The following LRP1B variants were observed in gnomAD, a reference collection of about 807,000 sequenced individuals.
LRP1B encodes the protein low-density lipoprotein receptor-related protein 1B.
Under a neutral mutation model 556.6 loss-of-function variants are expected in LRP1B, and 217 were observed. The observed-to-expected ratio is 0.39, with a 90% CI of 0.35 to 0.44. The LOEUF (loss-of-function observed/expected upper bound fraction) is 0.44, where lower values mean the gene tolerates loss of function less well. Ranked by LOEUF, LRP1B falls within the 20% of genes least tolerant of loss-of-function variation. The pLI, the probability that LRP1B is intolerant of heterozygous loss-of-function variation, is 1.00. For missense variants in LRP1B, 5,053 were observed against 5,620.8 expected (o/e 0.90, Z 3.23); for synonymous variants, 2,047 against 1,865.8 (o/e 1.10, Z -2.50).
intron 2 of LRP1B, among the ~76,000 whole-genome samples, chr2:141,792,406 A>G (rs1329553652): frequency 6.6e-6 from 1 of 152,004 alleles, no homozygotes; most frequent in African/African-American, 2.4e-5. Flanking sequence ...GACAGAAAGG[A>G]ACCTCTTGTG....
At chr2:140,430,427 C>G (rs572367116) in intron 66 of LRP1B, among the ~76,000 whole-genome samples, 1 of 152,306 alleles carries the variant, frequency 6.6e-6, no homozygotes, top group Admixed American at 6.5e-5. Context: ...TGCTCAAGGC[C>G]GCTTCACTTC....
At position 140,702,438 on chromosome 2, in the gene LRP1B, T is replaced by C; in HGVS notation, c.6139A>G (p.Ile2047Val). 3.7e-6 allele frequency: 6 copies of C among 1,613,560 alleles called. No homozygotes were observed. Among genetic ancestry groups the C allele is most frequent in the Non-Finnish European group, 5.1e-6 (6 of 1,179,684 alleles). ...GAAATCCAACAGACCTCATAGTCGATGGAGATGCCATTCGGCCATGCTATT... is the reference window on the plus strand; with the variant it reads ...GAAATCCAACAGACCTCATAGTCGACGGAGATGCCATTCGGCCATGCTATT... Reference protein sequence around the residue: ...MGIAWPNGISIDYEENKLYWC... With the variant: ...MGIAWPNGISVDYEENKLYWC... The change falls in exon 38 of 91, where the codon ATC (isoleucine) becomes GTC (valine). Residue 2047 changes from isoleucine to valine, a missense_variant. By Grantham distance (29) the Ile-to-Val change is conservative (BLOSUM62 3). Coordinates refer to ENST00000389484, the MANE Select transcript of LRP1B (RefSeq NM_018557.3).
chr2:140,277,167 C>T (rs1343779673), intron 84 of LRP1B, among the ~76,000 whole-genome samples: 1 of 151,638 alleles, frequency 6.6e-6, no homozygotes, highest in African/African-American at 2.4e-5. Context: ...GATGAATGTC[C>T]AGGACCACAC....
At chr2:140,989,330 G>A (rs1373201685) in intron 17 of LRP1B, among the ~76,000 whole-genome samples, 1 of 152,106 alleles carries the variant, frequency 6.6e-6, no homozygotes, top group Non-Finnish European at 1.5e-5. Flanking sequence ...AATTAGTCTG[G>A]AAAGCAGAGT....
At chr2:141,813,307 C>T (rs1696419209) in intron 1 of LRP1B, among the ~76,000 whole-genome samples, 1 of 152,048 alleles carries the variant, frequency 6.6e-6, no homozygotes, top group Non-Finnish European at 1.5e-5. Flanking sequence ...GAGATGGGGA[C>T]TGACGGTTAG....
intron 3 of LRP1B, among the ~76,000 whole-genome samples, chr2:141,340,184 A>C (rs1359779960): frequency 6.6e-6 from 1 of 152,348 alleles, no homozygotes; most frequent in Non-Finnish European, 1.5e-5. Flanking sequence ...CAACTTTTGA[A>C]TAGTTTGGAA....
At chr2:141,510,234 A>ACACC (rs767916859) in intron 2 of LRP1B, among the ~76,000 whole-genome samples, 123 of 145,374 alleles carry the variant, frequency 8.5e-4, no homozygotes, top group South Asian at 2.2e-3. Flanking sequence ...ACACACACAC[A>ACACC]CCCCCCACAG....
chr2:141,917,947 A>G (rs1390771497), intron 1 of LRP1B, among the ~76,000 whole-genome samples: 1 of 152,124 alleles, frequency 6.6e-6, no homozygotes, highest in Non-Finnish European at 1.5e-5. Context: ...CAATGGGAGA[A>G]TTGTTGAGTA....
chr2:140,563,019 T>C (rs780199203), intron 43 of LRP1B, among the ~76,000 whole-genome samples: 3 of 152,086 alleles, frequency 2.0e-5, no homozygotes, highest in Non-Finnish European at 4.4e-5. Flanking sequence ...AATTCTAGGG[T>C]ATAAGATGGT....
chr2:141,826,191 A>G (rs529371305), intron 1 of LRP1B, among the ~76,000 whole-genome samples: 1 of 151,942 alleles, frequency 6.6e-6, no homozygotes, highest in East Asian at 1.9e-4. Context: ...GAAAAAATAT[A>G]TATAAATTAT....
chr2:140,361,615 G>T (rs1322140339), intron 72 of LRP1B, among the ~76,000 whole-genome samples: 1 of 150,658 alleles, frequency 6.6e-6, no homozygotes, highest in East Asian at 2.0e-4. Flanking sequence ...GGTGTCTCTG[G>T]TGCCTCACTC....
chr2:140,320,762 A>C (rs1680069861), intron 82 of LRP1B, among the ~76,000 whole-genome samples: 1 of 151,962 alleles, frequency 6.6e-6, no homozygotes, highest in Non-Finnish European at 1.5e-5. Flanking sequence ...CATAAAATTT[A>C]GTATGTGTGG....
intron 2 of LRP1B, among the ~76,000 whole-genome samples, chr2:141,548,899 T>A (rs1031602201): frequency 1.3e-5 from 2 of 152,046 alleles, no homozygotes; most frequent in Admixed American, 6.6e-5. Flanking sequence ...CAATGCAACA[T>A]AATCCCCTGA....
At chr2:142,121,969 A>T (rs1707470957) in intron 1 of LRP1B, among the ~76,000 whole-genome samples, 1 of 152,180 alleles carries the variant, frequency 6.6e-6, no homozygotes, top group African/African-American at 2.4e-5. Flanking sequence ...TTAGTAACTC[A>T]TATTAAGCAA....
At chr2:140,433,826 T>G (rs1686056284) in intron 66 of LRP1B, among the ~76,000 whole-genome samples, 1 of 115,774 alleles carries the variant, frequency 8.6e-6, no homozygotes, top group African/African-American at 3.5e-5. Context: ...TTTCTTCTGT[T>G]TTTTTTTTCT....
intron 65 of LRP1B, 132 bp from the exon 66 acceptor site, chr2:140,442,755 G>T: frequency 1.3e-6 from 1 of 796,764 alleles, no homozygotes; most frequent in Non-Finnish European, 1.9e-6. Flanking sequence ...GGACTCTGAA[G>T]GTGAGGAATT....
chr2:140,420,819 G>T (rs993967143), intron 66 of LRP1B, among the ~76,000 whole-genome samples: 3 of 152,302 alleles, frequency 2.0e-5, no homozygotes, highest in African/African-American at 4.8e-5. Flanking sequence ...CAACTAAGTG[G>T]TTACCTATGG....
At chr2:141,224,302 C>G (rs1683159107) in intron 6 of LRP1B, among the ~76,000 whole-genome samples, 1 of 152,156 alleles carries the variant, frequency 6.6e-6, no homozygotes, top group Non-Finnish European at 1.5e-5. Context: ...GATACCATCT[C>G]ACGCCAGTCA....
Position 141,893,825 on chromosome 2 carries a change from C to T in LRP1B, c.83-83424G>A, listed in dbSNP as rs1699359788. On this transcript the variant is annotated intron_variant, in intron 1 of 90. Transcript: ENST00000389484. ...CCAATAAGTACCAATGAAAATAAAA[C>T]ATGACTTAGAAGCCCAGAGCCAAAA... 2.0e-5 allele frequency among the ~76,000 whole-genome samples: 3 copies of T among 152,276 alleles called. No individual in the cohort carries two copies. In the South Asian group the frequency reaches 6.2e-4, roughly 32 times the overall value.
Sources: allele counts gnomAD v4.1 joint callset (sites outside exome capture counted in the v4.1 genomes callset), GRCh38; gene constraint gnomAD v4.1.1; transcripts MANE v1.5; gene names NCBI Gene and HGNC (gene_info 2026-07-23, HGNC 2026-07-21).